Variants in ABLIM1 observed in about 807,000 individuals in gnomAD.
ABLIM1 encodes actin-binding LIM protein 1.
Under a neutral mutation model 107.0 loss-of-function variants are expected in ABLIM1, and 40 were observed. The ratio of observed to expected loss-of-function variants is 0.37; its 90% CI spans 0.29 to 0.49. ABLIM1 has a LOEUF of 0.49. ABLIM1 is among the 20% of genes least tolerant of loss of function. The probability of loss-of-function intolerance (pLI) is 0.97; values close to 1 mark genes in which losing one functional copy is unlikely to be tolerated. For synonymous variants in ABLIM1, 357 were observed against 357.3 expected, an observed-to-expected ratio of 1.00 and a Z score of 0.01; for missense variants, 857 against 1,008.5, an observed-to-expected ratio of 0.85 and a Z score of 2.04.
intron 12 of ABLIM1, among the ~76,000 whole-genome samples, chr10:114,462,074 C>T (rs1393738068): frequency 6.6e-6 from 1 of 152,134 alleles, no homozygotes; most frequent in African/African-American, 2.4e-5. Context: ...AGGATTCAGC[C>T]GCTCAACAAC....
rs1040611785 is a variant in ABLIM1, at chr10:114,707,919, AAAC to A, written c.-213+60139_-213+60141del. Among the ~76,000 whole-genome samples the A allele has an allele frequency of 5.7e-5, 8 of 139,660 alleles. No individual in the cohort carries two copies. The highest frequency in any genetic ancestry group is 2.3e-4 in the African/African-American group (7 of 30,178). The allele number at this position is 139,660 out of a possible 152,430, so 91.6% of individuals were successfully genotyped here. On this transcript the variant is annotated intron_variant, in intron 1 of 15. Coordinates refer to the ABLIM1 transcript ENST00000651092. This position sits in a 1 kb window ranked among gnomAD's most constrained non-coding sequence, Gnocchi z 4.1. ...TCCGTCTCAAAACAAACAAACAAAC[AAAC>A]AACAACAACAACAAAAAACCTAATT...
intron 4 of ABLIM1, among the ~76,000 whole-genome samples, chr10:114,553,331 A>G (rs939986123): frequency 2.0e-5 from 3 of 152,250 alleles, no homozygotes; most frequent in Admixed American, 1.3e-4. Context: ...CAAAACTTCC[A>G]GAATACAGAA....
At chr10:114,794,597 T>G in the ABLIM1 span, among the ~76,000 whole-genome samples, 2 of 152,224 alleles carry the variant, frequency 1.3e-5, no homozygotes, top group East Asian at 1.9e-4. Flanking sequence ...TTGTGTTTTT[T>G]GGGGTTTCTT....
At chr10:114,503,414 G>C (rs1184705553) in intron 6 of ABLIM1, among the ~76,000 whole-genome samples, 2 of 151,946 alleles carry the variant, frequency 1.3e-5, no homozygotes, top group African/African-American at 4.8e-5. Context: ...TCATGCCACC[G>C]CCCTCCAGCC....
chr10:114,539,256 G>T (rs2066368524), intron 6 of ABLIM1, among the ~76,000 whole-genome samples: 1 of 152,162 alleles, frequency 6.6e-6, no homozygotes, highest in Admixed American at 6.5e-5. Flanking sequence ...TACTTAGGAG[G>T]GTGAGACAGG....
rs1016289066 is a variant in ABLIM1 at position 114,745,589 on chromosome 10, G to T, written c.-213+22472C>A. Among the ~76,000 whole-genome samples the T allele has an allele frequency of 4.6e-5, 7 of 152,072 alleles. No individual in the cohort carries two copies. The East Asian group carries it at 1.2e-3, about 25-fold the overall frequency. ...ACATATATAAAATATTTCCTAATTG[G>T]CCGGGCACAGTGGCTCATGCCATTA... On this transcript the variant is annotated intron_variant, in intron 1 of 15. Coordinates refer to the ABLIM1 transcript ENST00000651092.
intron 4 of ABLIM1, among the ~76,000 whole-genome samples, chr10:114,555,037 C>T (rs2068551861): frequency 6.6e-6 from 1 of 152,158 alleles, no homozygotes; most frequent in African/African-American, 2.4e-5. Flanking sequence ...TACATGTAAA[C>T]ACTTGGTGTC....
chr10:114,698,990 T>C (rs1566251062), intron 1 of ABLIM1, among the ~76,000 whole-genome samples: 1 of 149,884 alleles, frequency 6.7e-6, no homozygotes, highest in African/African-American at 2.5e-5. Context: ...GAGTCCAAAT[T>C]AGAAGATAGA....
At chr10:114,749,586 C>A (rs1290759480) in intron 1 of ABLIM1, among the ~76,000 whole-genome samples, 1 of 152,016 alleles carries the variant, frequency 6.6e-6, no homozygotes, top group African/African-American at 2.4e-5. Context: ...CTCTTCAGGT[C>A]AACATTTAAC....
intron 1 of ABLIM1, among the ~76,000 whole-genome samples, chr10:114,762,577 T>C (rs1181812136): frequency 6.6e-6 from 1 of 152,216 alleles, no homozygotes; most frequent in Admixed American, 6.5e-5. Context: ...TGTTCTTACT[T>C]ACTACCAAAC....
intron 7 of ABLIM1, among the ~76,000 whole-genome samples, chr10:114,489,527 AAAT>A (rs2058649466): frequency 6.6e-6 from 1 of 152,170 alleles, no homozygotes; most frequent in Non-Finnish European, 1.5e-5. Context: ...AACAAACAAA[AAAT>A]TCAAACAAAA....
chr10:114,643,359 C>A (rs930705233), intron 1 of ABLIM1, among the ~76,000 whole-genome samples: 1 of 152,182 alleles, frequency 6.6e-6, no homozygotes, highest in East Asian at 1.9e-4. Context: ...GTACAAGATT[C>A]TTCATCTAAG....
intron 1 of ABLIM1, among the ~76,000 whole-genome samples, chr10:114,763,003 T>C (rs1176379254): frequency 1.3e-5 from 2 of 152,204 alleles, no homozygotes; most frequent in Non-Finnish European, 2.9e-5. Context: ...ACAGCACACA[T>C]GAGTTATTTC....
intron 1 of ABLIM1, among the ~76,000 whole-genome samples, chr10:114,617,159 T>C (rs1296172348): frequency 6.6e-6 from 1 of 152,050 alleles, no homozygotes; most frequent in African/African-American, 2.4e-5. Context: ...GGATATATAC[T>C]ATAGTGAAGG....
At chr10:114,601,568 C>T (rs550954548) in intron 2 of ABLIM1, 57 of 542,788 alleles carry the variant, frequency 1.1e-4, no homozygotes, top group African/African-American at 2.3e-4. Flanking sequence ...TTTTACTGCT[C>T]GTTCTCAGTG....
At chr10:114,689,898 A>T (rs2081037208), upstream of ABLIM1, among the ~76,000 whole-genome samples, 1 of 152,156 alleles carries the variant, frequency 6.6e-6, no homozygotes, top group South Asian at 2.1e-4. Context: ...GCCCCTTAGC[A>T]TCTGCCACCA....
chr10:114,538,542 G>C (rs1422657357), intron 6 of ABLIM1, among the ~76,000 whole-genome samples: 20 of 152,162 alleles, frequency 1.3e-4, no homozygotes, highest in African/African-American at 4.3e-4. Flanking sequence ...AGGTAGCACA[G>C]TAAATACCAC....
chr10:114,642,742 C>T (rs1263454322), intron 1 of ABLIM1, among the ~76,000 whole-genome samples: 1 of 152,090 alleles, frequency 6.6e-6, no homozygotes, highest in African/African-American at 2.4e-5. Flanking sequence ...ACTCCAAGTC[C>T]TAGACTAAGG....
chr10:114,748,114 A>G (rs946818140), intron 1 of ABLIM1, among the ~76,000 whole-genome samples: 2 of 152,168 alleles, frequency 1.3e-5, no homozygotes, highest in African/African-American at 2.4e-5. Context: ...AATGGATGGG[A>G]AAAAAATCAC....
Sources: gnomAD v4.1 joint callset for allele counts (sites outside exome capture counted in the v4.1 genomes callset) on GRCh38, gnomAD v4.1.1 for gene constraint, Gnocchi (gnomAD v3.1) non-coding constraint, MANE v1.5 for transcripts, NCBI Gene and HGNC (gene_info 2026-07-23, HGNC 2026-07-21) for gene names.